SAMMSON: variants seen among roughly 807,000 people sequenced by gnomAD.
SAMMSON encodes the protein survival associated mitochondrial melanoma specific oncogenic non-coding RNA.
chr3:70,250,695 A>G (rs1701756774), intron 6 of SAMMSON, among the ~76,000 whole-genome samples: 1 of 152,134 alleles, frequency 6.6e-6, no homozygotes, highest in Non-Finnish European at 1.5e-5. Flanking sequence ...TCAAATACTA[A>G]TATCCAGAGT....
intron 6 of SAMMSON, among the ~76,000 whole-genome samples, chr3:70,278,609 T>C (rs923428294): frequency 6.6e-6 from 1 of 152,188 alleles, no homozygotes; most frequent in Non-Finnish European, 1.5e-5. Context: ...ATGCCTTTAT[T>C]GACTACTTGC....
intron 4 of SAMMSON, among the ~76,000 whole-genome samples, chr3:70,142,949 C>T (rs2067533977): frequency 6.6e-6 from 1 of 152,098 alleles, no homozygotes. Context: ...CCCTTCATCT[C>T]ATTAGAGGGA....
At chr3:70,346,625 G>T (rs1013414870) in intron 7 of SAMMSON, among the ~76,000 whole-genome samples, 3 of 152,190 alleles carry the variant, frequency 2.0e-5, no homozygotes, top group East Asian at 3.9e-4. Flanking sequence ...TACCTAAAGA[G>T]AAAATGAAAG....
At chr3:70,030,839 A>T (rs1157574613) in intron 3 of SAMMSON, 9 of 152,200 alleles carry the variant, frequency 5.9e-5, no homozygotes, top group Non-Finnish European at 1.2e-4. Context: ...TCAACACCAA[A>T]ATAAGATACC....
chr3:70,188,583 G>T (rs946378024), intron 4 of SAMMSON, among the ~76,000 whole-genome samples: 3 of 152,086 alleles, frequency 2.0e-5, no homozygotes, highest in African/African-American at 7.2e-5. Flanking sequence ...ATATGATGTG[G>T]GATAGTGCAG....
At chr3:70,302,262 AT>A (rs917580264) in intron 7 of SAMMSON, among the ~76,000 whole-genome samples, 10 of 150,472 alleles carry the variant, frequency 6.6e-5, no homozygotes, top group Non-Finnish European at 1.5e-4. Context: ...TTTATCTTTT[AT>A]TTTTTTTTAC....
intron 2 of SAMMSON, among the ~76,000 whole-genome samples, chr3:70,429,089 A>G (rs1352628946): frequency 1.3e-5 from 2 of 151,758 alleles, no homozygotes; most frequent in African/African-American, 4.8e-5. Flanking sequence ...GTTTTTTTTT[A>G]TGGTTTTAGG....
chr3:70,009,199 G>C (rs1207359999), intron 1 of SAMMSON: 6 of 152,136 alleles, frequency 3.9e-5, no homozygotes, highest in Non-Finnish European at 7.3e-5. Context: ...GATTGGAATA[G>C]TTTCAGAAGG....
intron 6 of SAMMSON, among the ~76,000 whole-genome samples, chr3:70,271,031 A>G (rs1162231564): frequency 6.6e-6 from 1 of 152,178 alleles, no homozygotes; most frequent in Non-Finnish European, 1.5e-5. Flanking sequence ...CTTCAAGTAT[A>G]ATAATAAAAA....
intron 4 of SAMMSON, among the ~76,000 whole-genome samples, chr3:70,232,404 A>AT (rs200752002): frequency 0.087 from 12,626 of 144,894 alleles, 563 homozygotes; most frequent in South Asian, 0.13. Flanking sequence ...TGATGTTCCT[A>AT]TTTTTTTTTT....
intron 7 of SAMMSON, among the ~76,000 whole-genome samples, chr3:70,323,943 G>C (rs1702557123): frequency 6.6e-6 from 1 of 152,058 alleles, no homozygotes; most frequent in African/African-American, 2.4e-5. Flanking sequence ...CACAGCTCCA[G>C]TCCAAACTCA....
In SAMMSON at chr3:70,310,059, A is replaced by G. The variant is rs1405637085; in HGVS notation, n.739+18816A>G. Among the ~76,000 whole-genome samples the G allele has an allele frequency of 2.0e-5, 3 of 152,252 alleles. No individual in the cohort carries two copies. The East Asian group carries it at 5.8e-4, about 29-fold the overall frequency. ...GGTGGTGAAGAACATCTCTATCTTC[A>G]TGGATTTGAGATTCATAAGAAAAAC... On this transcript the variant is annotated intron_variant and non_coding_transcript_variant, in intron 7 of 9. Coordinates refer to ENST00000642114, the Ensembl canonical transcript of SAMMSON.
At chr3:70,165,065 A>G (rs1420967283) in intron 4 of SAMMSON, among the ~76,000 whole-genome samples, 1 of 152,054 alleles carries the variant, frequency 6.6e-6, no homozygotes. Flanking sequence ...TAAATGGTCA[A>G]GTTAACTGGA....
chr3:70,242,641 G>A (rs1701674399), intron 4 of SAMMSON, among the ~76,000 whole-genome samples: 1 of 152,160 alleles, frequency 6.6e-6, no homozygotes, highest in Non-Finnish European at 1.5e-5. Context: ...TGAGAAAAAT[G>A]TATTGACGTT....
At chr3:70,012,039 C>A (rs974333103) in intron 1 of SAMMSON, among the ~76,000 whole-genome samples, 2 of 152,092 alleles carry the variant, frequency 1.3e-5, no homozygotes, top group African/African-American at 2.4e-5. Flanking sequence ...GTCTCAACCC[C>A]TTTCTCTAGC....
intron 2 of SAMMSON, among the ~76,000 whole-genome samples, chr3:70,397,127 C>T (rs1701099339): frequency 6.6e-6 from 1 of 152,068 alleles, no homozygotes; most frequent in South Asian, 2.1e-4. Context: ...CAGCAATCAC[C>T]CCAAGTTCTA....
chr3:70,125,423 A>G, intron 4 of SAMMSON: 1 of 1,147,784 alleles, frequency 8.7e-7, no homozygotes, highest in Non-Finnish European at 1.3e-6. Flanking sequence ...TTCTCTAGAA[A>G]TTCTGTCCTT....
At chr3:70,090,707 A>G (rs563964524) in intron 4 of SAMMSON, among the ~76,000 whole-genome samples, 3 of 152,094 alleles carry the variant, frequency 2.0e-5, no homozygotes, top group South Asian at 4.2e-4. Flanking sequence ...CTGTACACTT[A>G]TGTTAAAAGT....
intron 6 of SAMMSON, among the ~76,000 whole-genome samples, chr3:70,253,881 T>C (rs1701791201): frequency 6.6e-6 from 1 of 152,146 alleles, no homozygotes; most frequent in Non-Finnish European, 1.5e-5. Context: ...TTCCTGGAGA[T>C]AAAACTTTTT....
Sources: allele counts gnomAD v4.1 joint callset (sites outside exome capture counted in the v4.1 genomes callset), GRCh38; gene constraint gnomAD v4.1.1; transcripts MANE v1.5; gene names NCBI Gene and HGNC (gene_info 2026-07-23, HGNC 2026-07-21).